The following TRAIP variants were observed in gnomAD, a reference collection of about 807,000 sequenced individuals.
TRAIP encodes the protein E3 ubiquitin-protein ligase TRAIP.
Under a neutral mutation model 65.0 loss-of-function variants are expected in TRAIP, and 37 were observed. That is an observed-to-expected ratio of 0.57 (90% CI 0.44 to 0.75). TRAIP has a LOEUF of 0.75. Ranked by LOEUF, TRAIP falls within the 30% of genes least tolerant of loss-of-function variation. The probability of loss-of-function intolerance (pLI) is 0.00; values close to 1 mark genes in which losing one functional copy is unlikely to be tolerated. For synonymous variants in TRAIP, 187 were observed against 219.1 expected, an observed-to-expected ratio of 0.85 and a Z score of 1.29; for missense variants, 481 against 579.4, an observed-to-expected ratio of 0.83 and a Z score of 1.74.
At position 49,848,133 on chromosome 3, in the gene TRAIP, A is replaced by G. The variant is rs1471931930; in HGVS notation, c.156+10T>C. On this transcript the variant is annotated intron_variant, in intron 2 of 14. Transcript: ENST00000331456. ...CTTCAGTTGAGGTGGTCCCACCCCA[A>G]TACTCTCACCTGGATTCGGCACTGT... The G allele has an allele frequency of 3.7e-6, 6 of 1,613,978 alleles. No individual in the cohort carries two copies. The highest frequency in any genetic ancestry group is 2.7e-5 in the African/African-American group (2 of 74,920).
intron 10 of TRAIP, among the ~76,000 whole-genome samples, chr3:49,837,665 T>A (rs1258854169): frequency 1.4e-5 from 2 of 148,072 alleles, no homozygotes; most frequent in Non-Finnish European, 3.0e-5. Context: ...CACTGCAACC[T>A]CTACCTCCCA....
chr3:49,851,558 T>A (rs1341907584), intron 1 of TRAIP, among the ~76,000 whole-genome samples: 1 of 151,620 alleles, frequency 6.6e-6, no homozygotes, highest in African/African-American at 2.4e-5. Context: ...CCAGGTAATT[T>A]ATATTTTTTT....
In TRAIP at chr3:49,840,963, C is replaced by T. The variant is rs759392136; in HGVS notation, c.705+22G>A. 4 of 1,610,816 alleles carry T rather than the reference C, an allele frequency of 2.5e-6. No homozygotes were observed. In the South Asian group the frequency reaches 4.4e-5, roughly 18 times the overall value. ...AAAAGGAGAGCCACTTCTCCTTCAA[C>T]CTCTGTTCACTGCTAAGTTACCTTG... On this transcript the variant is annotated intron_variant, in intron 8 of 14. Transcript: ENST00000331456.
chr3:49,841,158 G>T, intron 7 of TRAIP, 86 bp from the exon 8 acceptor site: 1 of 1,126,318 alleles, frequency 8.9e-7, no homozygotes, highest in Non-Finnish European at 1.3e-6. Context: ...ACAAAGCACT[G>T]CCCAACCCCT....
Position 49,829,426 on chromosome 3 carries a change from C to G in TRAIP, c.1287+32G>C, listed in dbSNP as rs377589661. 133 of 1,613,998 alleles carry G rather than the reference C, an allele frequency of 8.2e-5. No homozygotes were observed. In the African/African-American group the frequency reaches 1.4e-3, roughly 17 times the overall value. On this transcript the variant is annotated intron_variant, in intron 14 of 14. Transcript: ENST00000331456. Reference sequence around the variant, plus strand: ...GAGGCATAGTATGGGCTCCACAGTTCAGCTCAGCTCAACATCACAGGAAAA... The same window carrying G: ...GAGGCATAGTATGGGCTCCACAGTTGAGCTCAGCTCAACATCACAGGAAAA...
At chr3:49,855,250 G>C (rs2081961086) in intron 1 of TRAIP, among the ~76,000 whole-genome samples, 2 of 152,118 alleles carry the variant, frequency 1.3e-5, no homozygotes, top group African/African-American at 4.8e-5. Context: ...AGGAGTTCGA[G>C]ACCAGCCTGG....
chr3:49,840,403 A>C, intron 8 of TRAIP, 30 bp from the exon 9 acceptor site: 1 of 1,597,186 alleles, frequency 6.3e-7, no homozygotes, highest in Non-Finnish European at 8.6e-7. Context: ...ATGAAAGACA[A>C]GCCAAGTGGT....
At chr3:49,855,463 A>G (rs10049413) in intron 1 of TRAIP, among the ~76,000 whole-genome samples, 37,233 of 152,180 alleles carry the variant, frequency 0.24, 5,027 homozygotes, top group South Asian at 0.31. Flanking sequence ...ATAAAATAAA[A>G]TAAAAATAAA....
intron 12 of TRAIP, 110 bp downstream of exon 12, chr3:49,829,910 G>C: frequency 1.3e-6 from 2 of 1,581,430 alleles, no homozygotes; most frequent in South Asian, 1.1e-5. Context: ...GGGTGGCTCC[G>C]AAGTACCTCA....
intron 11 of TRAIP, 69 bp downstream of exon 11, chr3:49,831,847 C>T (rs1327384407): frequency 7.0e-7 from 1 of 1,433,550 alleles, no homozygotes; most frequent in Non-Finnish European, 9.2e-7. Context: ...GCTAACAGCA[C>T]AGGGCCTGCA....
chr3:49,829,229 G>C lies in TRAIP; in HGVS notation c.1288-4C>G. 1 of 1,614,224 alleles carries C rather than the reference G, an allele frequency of 6.2e-7. No individual in the cohort carries two copies. Among genetic ancestry groups the C allele is most frequent in the Non-Finnish European group, 8.5e-7 (1 of 1,180,038 alleles). On this transcript the variant is annotated splice_region_variant and splice_polypyrimidine_tract_variant and intron_variant, in intron 14 of 14. Coordinates refer to ENST00000331456, the MANE Select transcript of TRAIP (RefSeq NM_005879.3). ...GGCGGATCATGACTGTGTCAGTCTG[G>C]AGGAGCTGTCAAGGAAGAGGCATGG...
rs695238 is a variant in TRAIP at position 49,831,725 on chromosome 3, A to C, written c.1037+191T>G. On this transcript the variant is annotated intron_variant, in intron 11 of 14. Transcript: ENST00000331456. The stretch of plus-strand genomic sequence containing the variant: ...AAGGTGATGGTGAGGAATAATGAGA[A>C]AAGAGAAGGGGTTTGCACAGATTGA... 0.48 allele frequency among the ~76,000 whole-genome samples: 72,594 copies of C among 152,076 alleles called. 18,246 individuals carry two copies. The highest frequency in any genetic ancestry group is 0.59 in the African/African-American group (24,377 of 41,476).
chr3:49,846,610 G>A (rs1377448086), intron 3 of TRAIP, among the ~76,000 whole-genome samples: 1 of 152,214 alleles, frequency 6.6e-6, no homozygotes, highest in Non-Finnish European at 1.5e-5. Context: ...TTCCCTCACA[G>A]TGCATTTCTC....
intron 8 of TRAIP, 54 bp downstream of exon 8, chr3:49,840,931 A>G: frequency 5.2e-6 from 8 of 1,540,576 alleles, no homozygotes; most frequent in Non-Finnish European, 7.2e-6. Context: ...ACCAGAGTGA[A>G]CATGACAAAA....
rs1559444413 is a variant in TRAIP, at chr3:49,830,023, C to T, written c.1083G>A (p.Arg361=). 6.2e-7 allele frequency: 1 copy of T among 1,614,184 alleles called. No homozygotes were observed. Among genetic ancestry groups the T allele is most frequent in the African/African-American group, 1.3e-5 (1 of 75,040 alleles). The part of the protein sequence containing the change: ...DVPKKICKGP[R]KESQLSLGGQ... ...GCTTCTTCTAGAAAGCTCTTACCTT[C>T]CTGGGGCCTTTGCATATCTTCTTGG... Residue 361 remains arginine, a synonymous_variant, in exon 12 of 15, where the codon AGG becomes AGA. Coordinates refer to ENST00000331456, the MANE Select transcript of TRAIP (RefSeq NM_005879.3).
chr3:49,853,448 TAATAA>T (rs1264186459), intron 1 of TRAIP, among the ~76,000 whole-genome samples: 1 of 151,652 alleles, frequency 6.6e-6, no homozygotes, highest in African/African-American at 2.4e-5. Flanking sequence ...CTAAAAACAA[TAATAA>T]AATAAAATAA....
At chr3:49,848,545 C>A (rs2081904479) in intron 1 of TRAIP, among the ~76,000 whole-genome samples, 1 of 152,016 alleles carries the variant, frequency 6.6e-6, no homozygotes, top group Admixed American at 6.6e-5. Flanking sequence ...AGCTGGAATC[C>A]CAAAGACTAC....
At chr3:49,829,573 A>C (rs2081714323) in intron 13 of TRAIP, 44 bp downstream of exon 13, 1 of 1,613,672 alleles carries the variant, frequency 6.2e-7, no homozygotes, top group Non-Finnish European at 8.5e-7. Context: ...ACCCATTTCT[A>C]CCCAAGAGGG....
rs369165307 is a variant in TRAIP, at chr3:49,847,475, G to C, written c.240+50C>G. 75 of 1,172,452 alleles carry C rather than the reference G, an allele frequency of 6.4e-5. No homozygotes were observed. In the Admixed American group the frequency reaches 1.4e-3, roughly 22 times the overall value. 72.6% of individuals were successfully genotyped at this position (1,172,452 alleles called of 1,614,324 possible). A position where few individuals can be genotyped will look rare whatever the true frequency, so the allele number is the denominator to read the frequency against. On this transcript the variant is annotated intron_variant, in intron 3 of 14. Transcript: ENST00000331456. The stretch of plus-strand genomic sequence containing the variant: ...AGAAAAGAAAAGAAAAAAGAAAAGT[G>C]AACTCGCACAAGGCTTGGAGTTCAG...
Sources: gnomAD v4.1 joint callset for allele counts (sites outside exome capture counted in the v4.1 genomes callset) on GRCh38, gnomAD v4.1.1 for gene constraint, MANE v1.5 for transcripts, NCBI Gene and HGNC (gene_info 2026-07-23, HGNC 2026-07-21) for gene names.